Variants in WNK1 observed in about 807,000 individuals in gnomAD.
WNK1 encodes WNK lysine deficient protein kinase 1, also known as serine/threonine-protein kinase WNK1.
Under a neutral mutation model 222.8 loss-of-function variants are expected in WNK1, and 38 were observed. That is an observed-to-expected ratio of 0.17 (90% CI 0.13 to 0.22). The LOEUF is 0.22. Among genes scored for constraint, WNK1 ranks in the 10% least tolerant of loss-of-function variants. WNK1 has a pLI of 1.00. For missense variants in WNK1, 2,348 were observed against 2,918.4 expected (o/e 0.80, Z 4.50); for synonymous variants, 1,090 against 1,092.9 (o/e 1.00, Z 0.05).
At chr12:804,980 TAAA>T (rs1355011631) in intron 1 of WNK1, among the ~76,000 whole-genome samples, 5 of 148,586 alleles carry the variant, frequency 3.4e-5, no homozygotes, top group Non-Finnish European at 7.4e-5. Flanking sequence ...ATTTTAATAT[TAAA>T]TAATATTCCT....
chr12:890,401 T>G lies in WNK1; in HGVS notation c.5449-52T>G, dbSNP rs1221691748. On this transcript the variant is annotated intron_variant, in intron 21 of 27. Coordinates refer to ENST00000315939, the MANE Select transcript of WNK1 (RefSeq NM_018979.4). ...ATAGGAAAGGCAACGAGGCAAAAGT[T>G]TGAGTGACTGAAGCTAAAGATTTGT... 9.9e-6 allele frequency: 16 copies of G among 1,611,146 alleles called. No individual in the cohort carries two copies. The Admixed American group carries it at 2.5e-4, about 25-fold the overall frequency.
chr12:889,561 G>A (rs1156739551), intron 21 of WNK1, among the ~76,000 whole-genome samples: 1 of 152,226 alleles, frequency 6.6e-6, no homozygotes, highest in Non-Finnish European at 1.5e-5. Context: ...GCTCACGCCT[G>A]TAATCCCAGC....
At chr12:899,711 T>C (rs1955064289) in intron 25 of WNK1, among the ~76,000 whole-genome samples, 1 of 152,200 alleles carries the variant, frequency 6.6e-6, no homozygotes, top group African/African-American at 2.4e-5. Flanking sequence ...CCAAAAATAA[T>C]TTTAAACACC....
At chr12:896,009 T>A in intron 23 of WNK1, 62 bp from the exon 24 acceptor site, 1 of 1,604,204 alleles carries the variant, frequency 6.2e-7, no homozygotes, top group South Asian at 1.1e-5. Flanking sequence ...TTTTTTAAAT[T>A]GTCTGTGATA....
At chr12:761,681 A>G (rs894677505) in intron 1 of WNK1, among the ~76,000 whole-genome samples, 1 of 148,126 alleles carries the variant, frequency 6.8e-6, no homozygotes, top group Admixed American at 6.7e-5. Context: ...AGAGATTAAC[A>G]GATTTCTTGG....
intron 8 of WNK1, chr12:868,433 G>A: frequency 1.2e-6 from 2 of 1,613,896 alleles, no homozygotes; most frequent in Non-Finnish European, 1.7e-6. Context: ...ATTTCCATCT[G>A]GACAGGCTTT....
chr12:804,184 CT>C lies in WNK1; in HGVS notation c.760-9457del, dbSNP rs138059906. Reference sequence around the variant, plus strand: ...CCCTAGTAACATCTCCCTGCCTCCCCTGTCCTGAATTTTACATTTCATTTTA... The same window carrying C: ...CCCTAGTAACATCTCCCTGCCTCCCCGTCCTGAATTTTACATTTCATTTTA... On this transcript the variant is annotated intron_variant, in intron 1 of 27. Transcript: ENST00000315939. Among the ~76,000 whole-genome samples, 1,338 of 152,300 alleles carry C rather than the reference CT, an allele frequency of 8.8e-3. 19 individuals are homozygous for C. Among genetic ancestry groups the C allele is most frequent in the South Asian group, 0.031 (151 of 4,826 alleles).
intron 8 of WNK1, chr12:868,911 G>A (rs773969294): frequency 2.5e-6 from 4 of 1,597,634 alleles, no homozygotes; most frequent in Non-Finnish European, 3.4e-6. Flanking sequence ...TCAGACCCCA[G>A]TGATTTTCAG....
At chr12:856,880 T>A (rs1445470332) in intron 4 of WNK1, among the ~76,000 whole-genome samples, 1 of 152,214 alleles carries the variant, frequency 6.6e-6, no homozygotes, top group Non-Finnish European at 1.5e-5. Flanking sequence ...GGCAATAAAT[T>A]CCTTTACTTG....
intron 1 of WNK1, among the ~76,000 whole-genome samples, chr12:785,071 A>C (rs563307471): frequency 6.6e-6 from 1 of 152,060 alleles, no homozygotes; most frequent in South Asian, 2.1e-4. Context: ...CATTTATTCT[A>C]TTTTCTTCTA....
intron 1 of WNK1, among the ~76,000 whole-genome samples, chr12:799,411 A>G (rs1945662674): frequency 6.6e-6 from 1 of 150,490 alleles, no homozygotes; most frequent in Admixed American, 6.6e-5. Flanking sequence ...GATTACAGGC[A>G]TGAGCCACCG....
Position 861,226 on chromosome 12 carries a change from G to A in WNK1, c.1834G>A (p.Gly612Ser), listed in dbSNP as rs146450828. ...CAAGCAGCTCCCTTCTGCTAGCACC[G>A]GCATACCTACTGCTTCTACCACTTC... Reference protein sequence around the residue: ...GIKQLPSASTGIPTASTTSAS... With the variant: ...GIKQLPSASTSIPTASTTSAS... Residue 612 changes from glycine to serine, a missense_variant, in exon 7 of 28, where the codon GGC (glycine) becomes AGC (serine). Transcript: ENST00000315939. 225 of 1,613,868 alleles carry A rather than the reference G, an allele frequency of 1.4e-4. 1 individual carries two copies. The highest frequency in any genetic ancestry group is 1.2e-3 in the Middle Eastern group (7 of 6,060).
rs539957012 is a variant in WNK1 at position 824,166 on chromosome 12, C to G, written c.933-2876C>G. On this transcript the variant is annotated intron_variant, in intron 2 of 27. Transcript: ENST00000315939. ...AGGTGATCCATCCACCTCAGCCTCC[C>G]AAAGTGCTGGGAGTGAGCCAGCGTC... Among the ~76,000 whole-genome samples the G allele has an allele frequency of 3.3e-5, 5 of 151,184 alleles. No individual in the cohort carries two copies. The East Asian group carries it at 9.7e-4, about 29-fold the overall frequency.
At chr12:828,627 A>G (rs1285994083) in intron 3 of WNK1, among the ~76,000 whole-genome samples, 1 of 152,164 alleles carries the variant, frequency 6.6e-6, no homozygotes, top group African/African-American at 2.4e-5. Flanking sequence ...ATTGCTATAT[A>G]TGGCCCCTAG....
chr12:814,174 C>T (rs964986489), intron 2 of WNK1, among the ~76,000 whole-genome samples: 1 of 149,062 alleles, frequency 6.7e-6, no homozygotes, highest in African/African-American at 2.6e-5. Flanking sequence ...ACTAAAAGTA[C>T]AAAAATTAGC....
intron 4 of WNK1, among the ~76,000 whole-genome samples, chr12:839,220 G>C (rs1481031224): frequency 2.6e-5 from 4 of 152,154 alleles, no homozygotes; most frequent in Non-Finnish European, 4.4e-5. Flanking sequence ...GTCAAGTTTG[G>C]AAGTAGGAAA....
intron 25 of WNK1, among the ~76,000 whole-genome samples, chr12:898,677 G>A (rs563877468): frequency 1.8e-3 from 278 of 151,998 alleles, no homozygotes; most frequent in South Asian, 3.7e-3. Context: ...AGGCTCAGGT[G>A]GTCCTCCTAC....
chr12:821,638 C>T (rs1479084502), intron 2 of WNK1, among the ~76,000 whole-genome samples: 3 of 152,218 alleles, frequency 2.0e-5, no homozygotes, highest in Non-Finnish European at 1.5e-5. Context: ...AAGTGGAATA[C>T]TGAAGTCTCC....
intron 1 of WNK1, among the ~76,000 whole-genome samples, chr12:787,443 T>C (rs1944418589): frequency 6.6e-6 from 1 of 152,178 alleles, no homozygotes; most frequent in African/African-American, 2.4e-5. Context: ...GAGGTGTTGT[T>C]GAGTTTAAAT....
Sources: gnomAD v4.1 joint callset for allele counts (sites outside exome capture counted in the v4.1 genomes callset) on GRCh38, gnomAD v4.1.1 for gene constraint, MANE v1.5 for transcripts, NCBI Gene and HGNC (gene_info 2026-07-23, HGNC 2026-07-21) for gene names.